GALNT13: variants seen among roughly 807,000 people sequenced by gnomAD.
GALNT13 encodes the protein UDP-GalNAc:polypeptide N-acetylgalactosaminyltransferase 13.
In GALNT13, 28 loss-of-function variants were observed where a neutral mutation model predicts 64.2. The observed-to-expected ratio is 0.44, with a 90% CI of 0.32 to 0.60. The LOEUF (loss-of-function observed/expected upper bound fraction) is 0.60, where lower values mean the gene tolerates loss of function less well. GALNT13 is among the 20% of genes least tolerant of loss of function. The probability of loss-of-function intolerance (pLI) is 0.05; values close to 1 mark genes in which losing one functional copy is unlikely to be tolerated. For missense variants in GALNT13, 577 were observed against 669.8 expected, an observed-to-expected ratio of 0.86 and a Z score of 1.53; for synonymous variants, 214 against 224.6, an observed-to-expected ratio of 0.95 and a Z score of 0.42.
At chr2:153,852,435 A>G in the GALNT13 span, among the ~76,000 whole-genome samples, 1 of 152,194 alleles carries the variant, frequency 6.6e-6, no homozygotes, top group Admixed American at 6.5e-5. Flanking sequence ...TAAGTGACAT[A>G]ATGAGGTTAA....
chr2:154,280,237 A>G (rs1376446414), intron 8 of GALNT13, among the ~76,000 whole-genome samples: 3 of 152,170 alleles, frequency 2.0e-5, no homozygotes, highest in African/African-American at 7.2e-5. Flanking sequence ...ACTGATGACT[A>G]GACTTTAACT....
chr2:153,651,190 T>A, the GALNT13 span, among the ~76,000 whole-genome samples: 1 of 152,136 alleles, frequency 6.6e-6, no homozygotes, highest in African/African-American at 2.4e-5. Context: ...AAGGAGAGGT[T>A]GTGCAAGAAG....
chr2:153,358,001 CAG>C, the GALNT13 span, among the ~76,000 whole-genome samples: 6 of 152,204 alleles, frequency 3.9e-5, no homozygotes, highest in East Asian at 1.2e-3. Context: ...TATGATCAAA[CAG>C]AGATGTTAAG....
the GALNT13 span, among the ~76,000 whole-genome samples, chr2:153,794,677 C>T: frequency 6.6e-6 from 1 of 152,014 alleles, no homozygotes. Context: ...CCCACCACTG[C>T]GCCCAGCTAA....
intron 3 of GALNT13, among the ~76,000 whole-genome samples, chr2:154,018,998 T>C (rs191922447): frequency 2.9e-4 from 44 of 151,588 alleles, no homozygotes; most frequent in Non-Finnish European, 5.6e-4. Context: ...GAGAGAGAGA[T>C]TGACTGTAGT....
At chr2:153,629,757 G>A in the GALNT13 span, among the ~76,000 whole-genome samples, 1 of 149,844 alleles carries the variant, frequency 6.7e-6, no homozygotes, top group Non-Finnish European at 1.5e-5. Flanking sequence ...ATCTGACAAA[G>A]GGCTAATATC....
At chr2:154,082,420 T>G (rs375620167) in intron 3 of GALNT13, among the ~76,000 whole-genome samples, 2 of 151,714 alleles carry the variant, frequency 1.3e-5, no homozygotes, top group East Asian at 3.9e-4. Context: ...TTGTTGCACA[T>G]AAACGTGCCT....
At chr2:154,223,972 C>G (rs1215899857) in intron 4 of GALNT13, among the ~76,000 whole-genome samples, 1 of 151,928 alleles carries the variant, frequency 6.6e-6, no homozygotes, top group African/African-American at 2.4e-5. Context: ...CATTGCACTT[C>G]AGAAAATGCT....
intron 3 of GALNT13, among the ~76,000 whole-genome samples, chr2:154,076,147 C>G (rs1391947971): frequency 6.6e-6 from 1 of 151,564 alleles, no homozygotes; most frequent in Admixed American, 6.6e-5. Flanking sequence ...AGATTAATTC[C>G]TATTGGAATT....
chr2:154,335,071 C>T (rs1037185343), intron 9 of GALNT13, among the ~76,000 whole-genome samples: 4 of 151,992 alleles, frequency 2.6e-5, no homozygotes, highest in Non-Finnish European at 4.4e-5. Context: ...TGAGCTCCTA[C>T]AAGTATTTTC....
chr2:153,837,431 G>T, the GALNT13 span, among the ~76,000 whole-genome samples: 4 of 151,970 alleles, frequency 2.6e-5, no homozygotes, highest in African/African-American at 9.7e-5. Flanking sequence ...TACTCACCTG[G>T]CAACCATTGT....
intron 12 of GALNT13, among the ~76,000 whole-genome samples, chr2:154,444,941 G>A (rs866026439): frequency 2.0e-5 from 3 of 151,654 alleles, no homozygotes; most frequent in Non-Finnish European, 4.4e-5. Context: ...ATGAATAAAA[G>A]AATATTTTAT....
chr2:153,550,364 A>C, the GALNT13 span, among the ~76,000 whole-genome samples: 1 of 151,478 alleles, frequency 6.6e-6, no homozygotes, highest in Non-Finnish European at 1.5e-5. Context: ...CCTGCTGAGT[A>C]GCTGGGATTA....
chr2:154,239,077 T>C (rs910854312), intron 4 of GALNT13, among the ~76,000 whole-genome samples: 5 of 152,104 alleles, frequency 3.3e-5, no homozygotes, highest in Non-Finnish European at 7.4e-5. Context: ...GTGGAAGTTT[T>C]CTCTAAGTAA....
the GALNT13 span, among the ~76,000 whole-genome samples, chr2:153,108,929 G>A: frequency 2.0e-5 from 3 of 152,120 alleles, no homozygotes; most frequent in South Asian, 2.1e-4. Context: ...GCAATTTGGA[G>A]TCAATTACAA....
chr2:153,924,689 C>T (rs551408241), intron 2 of GALNT13, among the ~76,000 whole-genome samples: 5 of 152,222 alleles, frequency 3.3e-5, no homozygotes, highest in African/African-American at 1.2e-4. Flanking sequence ...AGTATATAAG[C>T]GTCCCTTTTT....
chr2:154,395,594 ACT>A (rs1251497475), intron 9 of GALNT13, among the ~76,000 whole-genome samples: 6 of 152,124 alleles, frequency 3.9e-5, no homozygotes, highest in Non-Finnish European at 7.4e-5. Flanking sequence ...TGAATAAGTG[ACT>A]CTATAGGGAA....
At chr2:153,603,337 T>G in the GALNT13 span, among the ~76,000 whole-genome samples, 2 of 151,892 alleles carry the variant, frequency 1.3e-5, no homozygotes, top group African/African-American at 2.4e-5. Context: ...GGAAAAGAAC[T>G]AAGCCCCAAA....
At chr2:154,281,694 CCT>C (rs1197723640) in intron 8 of GALNT13, among the ~76,000 whole-genome samples, 4 of 151,996 alleles carry the variant, frequency 2.6e-5, no homozygotes. Flanking sequence ...CTTCACCATA[CCT>C]CTCACACACA....
Sources: gnomAD v4.1 joint callset for allele counts (sites outside exome capture counted in the v4.1 genomes callset) on GRCh38, gnomAD v4.1.1 for gene constraint, MANE v1.5 for transcripts, NCBI Gene and HGNC (gene_info 2026-07-23, HGNC 2026-07-21) for gene names.